The following OXCT1 variants were observed in gnomAD, a reference collection of about 807,000 sequenced individuals.
OXCT1 encodes the protein 3-oxoacid CoA-transferase 1, also known as succinyl-CoA:3-ketoacid coenzyme A transferase 1, mitochondrial.
A neutral mutation model predicts 69.6 loss-of-function variants in OXCT1; 27 were observed. That is an observed-to-expected ratio of 0.39 (90% CI 0.29 to 0.54). The LOEUF (loss-of-function observed/expected upper bound fraction) is 0.54, where lower values mean the gene tolerates loss of function less well. OXCT1 is among the 20% of genes least tolerant of loss of function. The pLI is 0.72. For missense variants in OXCT1, 437 were observed against 650.2 expected (o/e 0.67, Z 3.57); for synonymous variants, 202 against 217.8 (o/e 0.93, Z 0.64).
Position 41,762,339 on chromosome 5 carries a change from C to T in OXCT1, c.1249-139G>A. 2 of 751,986 alleles carry T rather than the reference C, an allele frequency of 2.7e-6. No homozygotes were observed. Among genetic ancestry groups the T allele is most frequent in the Non-Finnish European group, 4.8e-6 (2 of 412,480 alleles). 46.6% of individuals were successfully genotyped at this position (751,986 alleles called of 1,614,324 possible). On this transcript the variant is annotated intron_variant, in intron 13 of 16. Coordinates refer to ENST00000196371, the MANE Select transcript of OXCT1 (RefSeq NM_000436.4). The surrounding 1 kb of genome is among the most constrained non-coding windows in gnomAD (Gnocchi z 4.0). ...TTGCTTAGTGCTTGAAGTTCTATAA[C>T]CTAATATTCTGTCACTCTATTATTC...
At position 41,731,317 on chromosome 5, in the gene OXCT1, G is replaced by A; in HGVS notation, c.*412C>T. On this transcript the variant is annotated 3_prime_UTR_variant, in exon 17 of 17. Transcript: ENST00000196371. ...AGGAGGCTGAAGAAAAAACAATCAT[G>A]ACAGCAACTCTCCTAACCACAAAAA... The A allele has an allele frequency of 5.2e-6, 5 of 970,360 alleles. No individual in the cohort carries two copies. Among genetic ancestry groups the A allele is most frequent in the Non-Finnish European group, 6.2e-6 (5 of 808,938 alleles). The allele number at this position is 970,360 out of a possible 1,614,324, so 60.1% of individuals were successfully genotyped here.
At chr5:41,759,301 T>C (rs182899570) in intron 14 of OXCT1, among the ~76,000 whole-genome samples, 135 of 152,184 alleles carry the variant, frequency 8.9e-4, no homozygotes, top group African/African-American at 3.2e-3. Flanking sequence ...ATTAAGCATA[T>C]GCAGTGCCAA....
chr5:41,830,514 T>C (rs1748045907), intron 7 of OXCT1, among the ~76,000 whole-genome samples: 1 of 152,166 alleles, frequency 6.6e-6, no homozygotes, highest in Non-Finnish European at 1.5e-5. Flanking sequence ...GCATGTAGCA[T>C]AGTAAGTTCA....
intron 14 of OXCT1, among the ~76,000 whole-genome samples, chr5:41,751,800 C>T (rs1486711356): frequency 6.6e-6 from 1 of 152,082 alleles, no homozygotes; most frequent in Non-Finnish European, 1.5e-5. Context: ...AATTTGGGGG[C>T]AAACCATATG....
At chr5:41,738,113 G>C (rs1338266825) in intron 16 of OXCT1, among the ~76,000 whole-genome samples, 1 of 152,060 alleles carries the variant, frequency 6.6e-6, no homozygotes, top group Non-Finnish European at 1.5e-5. Context: ...ACACAAGAAA[G>C]ACATACATAC....
chr5:41,796,198 T>C (rs561293818), intron 11 of OXCT1, among the ~76,000 whole-genome samples: 176 of 152,238 alleles, frequency 1.2e-3, no homozygotes, highest in Non-Finnish European at 2.2e-3. Flanking sequence ...CTACTCCCCA[T>C]AGAACTAATA....
intron 5 of OXCT1, 48 bp from the exon 6 acceptor site, chr5:41,842,829 T>C (rs1421455657): frequency 1.6e-6 from 2 of 1,223,282 alleles, no homozygotes; most frequent in East Asian, 2.3e-5. Flanking sequence ...TAGGTCTTGA[T>C]TGTGATAGAG....
At chr5:41,821,938 C>T (rs1747574280) in intron 7 of OXCT1, among the ~76,000 whole-genome samples, 2 of 152,082 alleles carry the variant, frequency 1.3e-5, no homozygotes, top group South Asian at 2.1e-4. Flanking sequence ...TTAATTTTAA[C>T]GAAGTCCAAC....
chr5:41,810,720 T>C (rs1746935751), intron 7 of OXCT1, among the ~76,000 whole-genome samples: 1 of 152,080 alleles, frequency 6.6e-6, no homozygotes, highest in Non-Finnish European at 1.5e-5. Flanking sequence ...AATGTGTTTG[T>C]GATTGCTTGG....
intron 7 of OXCT1, among the ~76,000 whole-genome samples, chr5:41,821,955 A>G (rs1009953565): frequency 6.6e-6 from 1 of 152,122 alleles, no homozygotes; most frequent in African/African-American, 2.4e-5. Context: ...CAACCTATCA[A>G]GTGTTTTTCT....
At chr5:41,818,123 A>T (rs1476704029) in intron 7 of OXCT1, among the ~76,000 whole-genome samples, 2 of 152,232 alleles carry the variant, frequency 1.3e-5, no homozygotes, top group Admixed American at 1.3e-4. Flanking sequence ...GCATTGTGTT[A>T]CATGCTGGGA....
intron 16 of OXCT1, among the ~76,000 whole-genome samples, chr5:41,734,474 A>G (rs1373371617): frequency 6.6e-6 from 1 of 152,202 alleles, no homozygotes; most frequent in East Asian, 1.9e-4. Flanking sequence ...CATTTATTAA[A>G]CCACAATTAC....
rs548602445 is a variant in OXCT1, at chr5:41,781,448, T to C, written c.1248+12555A>G. On this transcript the variant is annotated intron_variant, in intron 13 of 16. Transcript: ENST00000196371. ...GACACAGCTGCTGCTTTTTTTTTTT[T>C]CCCTTCAACTTTTATTTTAAGTAGC... Among the ~76,000 whole-genome samples, 284 of 152,110 alleles carry C rather than the reference T, an allele frequency of 1.9e-3. 2 individuals are homozygous for C. Among genetic ancestry groups the C allele is most frequent in the African/African-American group, 5.5e-3 (230 of 41,522 alleles).
intron 7 of OXCT1, among the ~76,000 whole-genome samples, chr5:41,830,369 G>T (rs1480681757): frequency 1.3e-5 from 2 of 152,158 alleles, no homozygotes; most frequent in Non-Finnish European, 2.9e-5. Flanking sequence ...AAAAGAACTT[G>T]TGTCAAGTGT....
In OXCT1 at chr5:41,811,083, A is replaced by G. The variant is rs533856523; in HGVS notation, c.733-3645T>C. Among the ~76,000 whole-genome samples the G allele has an allele frequency of 4.1e-4, 41 of 98,878 alleles. No homozygotes were observed. In the South Asian group the frequency reaches 8.2e-3, roughly 20 times the overall value. The allele number at this position is 98,878 out of a possible 152,430, so 64.9% of individuals were successfully genotyped here. On this transcript the variant is annotated intron_variant, in intron 7 of 16. Coordinates refer to ENST00000196371, the MANE Select transcript of OXCT1 (RefSeq NM_000436.4). ...AAACATTAACTCCAAAAGAGAGGGA[A>G]AAAAAAAAAAAGCAGCTGTGGAAGT...
intron 1 of OXCT1, among the ~76,000 whole-genome samples, chr5:41,865,798 T>C (rs981071693): frequency 2.0e-5 from 3 of 152,204 alleles, no homozygotes; most frequent in African/African-American, 7.2e-5. Flanking sequence ...GATCAAATGA[T>C]GTTATATACA....
Position 41,870,250 on chromosome 5 carries a change from C to A in OXCT1, c.78+31G>T, listed in dbSNP as rs761877445. ...CAGGGTTTGGTCCACGTTCTTCCTG[C>A]CCATGGCCTTCCTCTTCCCCCGCAC... On this transcript the variant is annotated intron_variant, in intron 1 of 16. Transcript: ENST00000196371. This position sits in a 1 kb window ranked among gnomAD's most constrained non-coding sequence, Gnocchi z 4.2. 5.1e-5 allele frequency: 80 copies of A among 1,567,112 alleles called. 1 individual carries two copies. In the Admixed American group the frequency reaches 1.3e-3, roughly 26 times the overall value.
intron 15 of OXCT1, among the ~76,000 whole-genome samples, chr5:41,742,483 C>A (rs1182257513): frequency 6.6e-6 from 1 of 152,110 alleles, no homozygotes; most frequent in East Asian, 1.9e-4. Context: ...TTTTATTTTA[C>A]TTTATTTTTT....
chr5:41,774,180 G>C (rs988685315), intron 13 of OXCT1, among the ~76,000 whole-genome samples: 2 of 152,176 alleles, frequency 1.3e-5, no homozygotes, highest in Admixed American at 6.5e-5. Flanking sequence ...AACACATTCT[G>C]TTGATACCAC....
Sources: gnomAD v4.1 joint callset for allele counts (sites outside exome capture counted in the v4.1 genomes callset) on GRCh38, gnomAD v4.1.1 for gene constraint, Gnocchi (gnomAD v3.1) non-coding constraint, MANE v1.5 for transcripts, NCBI Gene and HGNC (gene_info 2026-07-23, HGNC 2026-07-21) for gene names.